The following ARL9 variants were observed in gnomAD, a reference collection of about 807,000 sequenced individuals.
ARL9 encodes the protein ADP-ribosylation factor-like protein 9.
A neutral mutation model predicts 27.0 loss-of-function variants in ARL9; 14 were observed. The observed-to-expected ratio is 0.52, with a 90% CI of 0.34 to 0.81. The LOEUF (loss-of-function observed/expected upper bound fraction) is 0.81, where lower values mean the gene tolerates loss of function less well. Ranked by LOEUF, ARL9 falls within the 30% of genes least tolerant of loss-of-function variation. The probability of loss-of-function intolerance (pLI) is 0.01; values close to 1 mark genes in which losing one functional copy is unlikely to be tolerated. For synonymous variants in ARL9, 106 were observed against 108.7 expected (o/e 0.98, Z 0.15); for missense variants, 294 against 290.0 (o/e 1.01, Z -0.10).
At chr4:56,505,366 T>A (rs1721419636), upstream of ARL9, 2 of 456,918 alleles carry the variant, frequency 4.4e-6, no homozygotes, top group Admixed American at 4.7e-5. Flanking sequence ...CTGAGAATCC[T>A]CCCGGAACCT....
chr4:56,515,531 A>G (rs544617756), intron 2 of ARL9, among the ~76,000 whole-genome samples: 6 of 152,008 alleles, frequency 3.9e-5, no homozygotes, highest in African/African-American at 1.5e-4. Flanking sequence ...AAAAAGAAAT[A>G]AAAGGCGTAA....
In ARL9 at chr4:56,523,728, T is replaced by C. The variant is rs771468801; in HGVS notation, c.650T>C (p.Ile217Thr). 1.1e-5 allele frequency: 18 copies of C among 1,613,780 alleles called. No individual in the cohort carries two copies. The highest frequency in any genetic ancestry group is 2.2e-5 in the East Asian group (1 of 44,898). ...GAAGCAGCCTATCACATTACAGATA[T>C]CCATGAAGCTTTGGCATTATCTGAA... ...DLEAAYHITD[I>T]HEALALSEVG... is the part of the protein sequence containing the mutation. Residue 217 changes from isoleucine to threonine, a missense_variant, in exon 4 of 4, where the codon ATC becomes ACC. Ile to Thr is a moderately conservative substitution (Grantham distance 89). Coordinates refer to ENST00000640821, the MANE Select transcript of ARL9 (RefSeq NM_001363794.2).
intron 2 of ARL9, among the ~76,000 whole-genome samples, chr4:56,513,798 T>C (rs1488607407): frequency 6.6e-6 from 1 of 152,168 alleles, no homozygotes; most frequent in Non-Finnish European, 1.5e-5. Flanking sequence ...AGTGCTAACA[T>C]GCTCCCAGTC....
rs539915599 is a variant in ARL9, at chr4:56,510,391, C to T, written c.280-794C>T. 2.9e-4 allele frequency among the ~76,000 whole-genome samples: 43 copies of T among 150,434 alleles called. No homozygotes were observed. In the South Asian group the frequency reaches 8.9e-3, roughly 31 times the overall value. On this transcript the variant is annotated intron_variant, in intron 1 of 3. Coordinates refer to ENST00000640821, the MANE Select transcript of ARL9 (RefSeq NM_001363794.2). ...AAAAAAGTATAAGAGGGAAACCTTG[C>T]CCTGAGATCTTACAATCTAGTTATT...
At chr4:56,516,153 T>C (rs1560698245) in intron 2 of ARL9, among the ~76,000 whole-genome samples, 1 of 152,152 alleles carries the variant, frequency 6.6e-6, no homozygotes, top group Non-Finnish European at 1.5e-5. Context: ...CAATAAATGG[T>C]GCAGGGACCA....
chr4:56,512,675 G>C lies in ARL9; in HGVS notation c.442+1328G>C, dbSNP rs368959600. On this transcript the variant is annotated intron_variant, in intron 2 of 3. Coordinates refer to ENST00000640821, the MANE Select transcript of ARL9 (RefSeq NM_001363794.2). ...TTGCCTCAGTCTCCTGAGTAGCTGG[G>C]ATTACAGGCACACACCATCATGCTC... Among the ~76,000 whole-genome samples, 3 of 152,022 alleles carry C rather than the reference G, an allele frequency of 2.0e-5. No individual in the cohort carries two copies. In the East Asian group the frequency reaches 5.8e-4, roughly 29 times the overall value.
In ARL9 at chr4:56,506,789, TGTGTGTGTGTG is replaced by T. The variant is rs1578205915; in HGVS notation, c.279+649_279+659del. 239 of 153,304 alleles carry T rather than the reference TGTGTGTGTGTG, an allele frequency of 1.6e-3. 3 individuals are homozygous for T. The highest frequency in any genetic ancestry group is 5.6e-3 in the African/African-American group (177 of 31,622). 9.5% of individuals were successfully genotyped at this position (153,304 alleles called of 1,614,324 possible). ...CAATTATGAATGATTAACACAGTTG[TGTGTGTGTGTG>T]TGTGTGTGTGTGTGTGTGTGTGTGT... On this transcript the variant is annotated intron_variant, in intron 1 of 3. Transcript: ENST00000640821.
At chr4:56,522,413 T>G (rs1721949269) in intron 3 of ARL9, among the ~76,000 whole-genome samples, 1 of 150,694 alleles carries the variant, frequency 6.6e-6, no homozygotes, top group Non-Finnish European at 1.5e-5. Context: ...AGGGTGAGAT[T>G]CCGTCTCAAA....
chr4:56,511,075 T>G, intron 1 of ARL9, 110 bp from the exon 2 acceptor site: 1 of 1,115,688 alleles, frequency 9.0e-7, no homozygotes, highest in Non-Finnish European at 1.2e-6. Flanking sequence ...ACCTGGCCCG[T>G]GGAGTTTTAT....
intron 2 of ARL9, among the ~76,000 whole-genome samples, chr4:56,511,813 C>T (rs1406638860): frequency 1.3e-5 from 2 of 152,226 alleles, no homozygotes; most frequent in Non-Finnish European, 2.9e-5. Flanking sequence ...GTCAAGTCCT[C>T]TTGTCTTCTC....
chr4:56,519,381 G>A (rs959991334), intron 3 of ARL9, among the ~76,000 whole-genome samples: 1 of 152,130 alleles, frequency 6.6e-6, no homozygotes, highest in Non-Finnish European at 1.5e-5. Context: ...GGAGGGCAGG[G>A]GTGGGGGATC....
At position 56,524,202 on chromosome 4, in the gene ARL9, A is replaced by G. The variant is rs1416601137; in HGVS notation, c.*326A>G. 5.1e-6 allele frequency: 1 copy of G among 197,420 alleles called. No homozygotes were observed. The highest frequency in any genetic ancestry group is 2.3e-5 in the African/African-American group (1 of 43,150). The allele number at this position is 197,420 out of a possible 1,614,324, so 12.2% of individuals were successfully genotyped here. ...ATTATAAGTAATCTAAAGATGATTT[A>G]AAATACACGAGTAGAAGTGTGTAGG... is the stretch of plus-strand genomic sequence containing the variant. On this transcript the variant is annotated 3_prime_UTR_variant, in exon 4 of 4. Transcript: ENST00000640821.
chr4:56,516,867 T>A (rs1721780439), intron 2 of ARL9, among the ~76,000 whole-genome samples: 1 of 152,154 alleles, frequency 6.6e-6, no homozygotes, highest in Non-Finnish European at 1.5e-5. Flanking sequence ...AGGCAGAGGT[T>A]GCAGTGAGTG....
chr4:56,508,389 CT>C (rs1041349494), intron 1 of ARL9, among the ~76,000 whole-genome samples: 49 of 148,700 alleles, frequency 3.3e-4, no homozygotes, highest in South Asian at 8.6e-4. Flanking sequence ...TTTTCTTTTT[CT>C]TTTTTTTTTG....
At chr4:56,505,330 G>C, upstream of ARL9, 1 of 455,980 alleles carries the variant, frequency 2.2e-6, no homozygotes, top group Non-Finnish European at 4.4e-6. Context: ...AGCAGTACAG[G>C]CTCATGGTTG....
At chr4:56,511,390 T>C (rs1239702840) in intron 2 of ARL9, 43 bp downstream of exon 2, 3 of 1,558,182 alleles carry the variant, frequency 1.9e-6, no homozygotes, top group Non-Finnish European at 2.6e-6. Context: ...CACATTTTAT[T>C]GTCTCTTAAG....
chr4:56,518,960 T>C, intron 3 of ARL9, 107 bp downstream of exon 3: 2 of 1,108,954 alleles, frequency 1.8e-6, no homozygotes, highest in South Asian at 3.3e-5. Flanking sequence ...TTAACTCAGT[T>C]TATGTTTATT....
At chr4:56,505,379 G>C (rs557103633), upstream of ARL9, 4 of 457,280 alleles carry the variant, frequency 8.7e-6, no homozygotes, top group African/African-American at 8.0e-5. Context: ...CGGAACCTCT[G>C]GATTCTGACG....
At chr4:56,510,962 G>C (rs1721620249) in intron 1 of ARL9, among the ~76,000 whole-genome samples, 1 of 151,926 alleles carries the variant, frequency 6.6e-6, no homozygotes, top group Non-Finnish European at 1.5e-5. Context: ...TAGTATAGAT[G>C]GGGTTTCACC....
Sources: allele counts gnomAD v4.1 joint callset (sites outside exome capture counted in the v4.1 genomes callset), GRCh38; gene constraint gnomAD v4.1.1; transcripts MANE v1.5; gene names NCBI Gene and HGNC (gene_info 2026-07-23, HGNC 2026-07-21).